The following RPE65 variants were observed in gnomAD, a reference collection of about 807,000 sequenced individuals.
RPE65 encodes retinoid isomerohydrolase RPE65, also known as retinoid isomerohydrolase.
RPE65 carries 58 observed loss-of-function variants against 68.5 expected under a neutral mutation model. The observed-to-expected ratio is 0.85, with a 90% CI of 0.69 to 1.05. The LOEUF is 1.05. RPE65 is among the 50% of genes least tolerant of loss of function. The probability of loss-of-function intolerance (pLI) is 0.00; values close to 1 mark genes in which losing one functional copy is unlikely to be tolerated. For missense variants in RPE65, 643 were observed against 629.9 expected, an observed-to-expected ratio of 1.02 and a Z score of -0.22; for synonymous variants, 220 against 222.2, an observed-to-expected ratio of 0.99 and a Z score of 0.09.
intron 9 of RPE65, 117 bp from the exon 10 acceptor site, chr1:68,438,433 TG>T: frequency 8.1e-7 from 1 of 1,227,794 alleles, no homozygotes. Context: ...ACCCAGAAAC[TG>T]CTATTGAGCC....
At chr1:68,442,547 A>G (rs2100824030) in intron 5 of RPE65, among the ~76,000 whole-genome samples, 1 of 152,316 alleles carries the variant, frequency 6.6e-6, no homozygotes, top group South Asian at 2.1e-4. Flanking sequence ...GCCTTAAATA[A>G]ATTGTATTTA....
intron 10 of RPE65, among the ~76,000 whole-genome samples, chr1:68,433,686 T>A (rs1645841624): frequency 6.6e-6 from 1 of 152,118 alleles, no homozygotes; most frequent in African/African-American, 2.4e-5. Flanking sequence ...AGATTTGTGG[T>A]CATGCATCTA....
intron 9 of RPE65, 113 bp downstream of exon 9, chr1:68,438,829 C>T (rs987755444): frequency 3.0e-6 from 4 of 1,343,764 alleles, no homozygotes; most frequent in Non-Finnish European, 4.3e-6. Flanking sequence ...TTGACTCTCA[C>T]ATAACTCTTG....
chr1:68,448,179 T>C (rs527553554), intron 2 of RPE65, among the ~76,000 whole-genome samples: 1 of 152,264 alleles, frequency 6.6e-6, no homozygotes, highest in South Asian at 2.1e-4. Flanking sequence ...TCACAGACAG[T>C]GAAATGATAG....
intron 2 of RPE65, 147 bp from the exon 3 acceptor site, chr1:68,447,007 G>C (rs535633234): frequency 9.5e-7 from 1 of 1,052,716 alleles, no homozygotes; most frequent in East Asian, 2.5e-5. Context: ...CCCTCGCGCT[G>C]GACAGCACTT....
In RPE65 at chr1:68,431,113, A is replaced by G; in HGVS notation, c.1402T>C (p.Ser468Pro). ...WVWQEPDSYP[S>P]EPIFVSHPDA... ...GGGTGAGAAACAAAGATGGGTTCTG[A>G]TGGGTATGAATCAGGCTCTTGCCAA... Residue 468 changes from serine to proline, a missense_variant, in exon 13 of 14, where the codon TCA (serine) becomes CCA (proline). Transcript: ENST00000262340. 1 of 1,613,830 alleles carries G rather than the reference A, an allele frequency of 6.2e-7. No individual in the cohort carries two copies. Among genetic ancestry groups the G allele is most frequent in the Non-Finnish European group, 8.5e-7 (1 of 1,179,812 alleles).
Position 68,444,819 on chromosome 1 carries a change from C to T in RPE65, c.310G>A (p.Gly104Ser), listed in dbSNP as rs767478543. The T allele has an allele frequency of 6.2e-7, 1 of 1,614,062 alleles. No individual in the cohort carries two copies. Among genetic ancestry groups the T allele is most frequent in the Admixed American group, 1.7e-5 (1 of 59,962 alleles). Residue 104 changes from glycine to serine, a missense_variant, in exon 4 of 14, where the codon GGC becomes AGC. Gly to Ser is a moderately conservative substitution (Grantham distance 56). Transcript: ENST00000262340. ...CAGGGATCTGGGAAAGCACAGGTGCCAAATTCTGTTATGACGATCCTTTTC... is the reference window on the plus strand; with the variant it reads ...CAGGGATCTGGGAAAGCACAGGTGCTAAATTCTGTTATGACGATCCTTTTC... ...TEKRIVITEF[G>S]TCAFPDPCKN...
Position 68,440,946 on chromosome 1 carries a change from C to A in RPE65, c.550G>T (p.Glu184Ter). 1 of 1,613,970 alleles carries A rather than the reference C, an allele frequency of 6.2e-7. No homozygotes were observed. Among genetic ancestry groups the A allele is most frequent in the South Asian group, 1.1e-5 (1 of 91,074 alleles). ...VNGATAHPHI[E>*]NDGTVYNIGN... ...ATATTGTAAACGGTTCCATCATTTT[C>A]AATGTGGGGGTGAGCAGTGGCCCCA... The change falls in exon 6 of 14, where the codon GAA becomes TAA. Residue 184 changes from glutamate to a stop codon, truncating the protein, a stop_gained. Transcript: ENST00000262340. LOFTEE classifies it high-confidence loss of function.
At chr1:68,447,366 T>A (rs1293010061) in intron 2 of RPE65, among the ~76,000 whole-genome samples, 1 of 152,186 alleles carries the variant, frequency 6.6e-6, no homozygotes, top group Admixed American at 6.5e-5. Flanking sequence ...GCTATATCCC[T>A]CTGTGAGTGT....
chr1:68,430,041 T>C lies in RPE65; in HGVS notation c.1451-114A>G, dbSNP rs1331747016. On this transcript the variant is annotated intron_variant, in intron 13 of 13. Coordinates refer to ENST00000262340, the MANE Select transcript of RPE65 (RefSeq NM_000329.3). Reference sequence around the variant, plus strand: ...ACATTGACAAATATAGAAAACCATATGACCTGACTTCTTTTTCTGACTCTT... The same window carrying C: ...ACATTGACAAATATAGAAAACCATACGACCTGACTTCTTTTTCTGACTCTT... 10 of 1,363,114 alleles carry C rather than the reference T, an allele frequency of 7.3e-6. No individual in the cohort carries two copies. The Admixed American group carries it at 1.8e-4, about 25-fold the overall frequency. 84.4% of individuals were successfully genotyped at this position (1,363,114 alleles called of 1,614,324 possible).
chr1:68,440,012 T>G (rs1418848275), intron 6 of RPE65, among the ~76,000 whole-genome samples: 4 of 152,184 alleles, frequency 2.6e-5, no homozygotes, highest in Non-Finnish European at 5.9e-5. Context: ...ATAGTTTAGA[T>G]GGGTTTGTGT....
rs1645966412 is a variant in RPE65, at chr1:68,449,353, A to G, written c.11+542T>C. On this transcript the variant is annotated intron_variant, in intron 1 of 13. Transcript: ENST00000262340. Reference sequence around the variant, plus strand: ...TCAGACCAGGAGATTCAGGTTCTATATTTTTGTTTACTTTCTACATCCTCT... The same window carrying G: ...TCAGACCAGGAGATTCAGGTTCTATGTTTTTGTTTACTTTCTACATCCTCT... Among the ~76,000 whole-genome samples, 5 of 152,196 alleles carry G rather than the reference A, an allele frequency of 3.3e-5. No homozygotes were observed. In the South Asian group the frequency reaches 1.0e-3, roughly 32 times the overall value.
intron 10 of RPE65, among the ~76,000 whole-genome samples, chr1:68,434,719 CTGTTTGTTTGTT>C (rs56001963): frequency 1.3e-5 from 2 of 151,302 alleles, no homozygotes; most frequent in Non-Finnish European, 1.5e-5. Context: ...ATTAGATTTC[CTGTTTGTTTGTT>C]TGTTTGTTTG....
chr1:68,434,545 C>T (rs1645847561), intron 10 of RPE65, among the ~76,000 whole-genome samples: 1 of 151,966 alleles, frequency 6.6e-6, no homozygotes, highest in African/African-American at 2.4e-5. Context: ...ACTCGAGGTA[C>T]TTAGTGGTGA....
intron 1 of RPE65, among the ~76,000 whole-genome samples, 196 bp from the exon 2 acceptor site, chr1:68,448,902 G>A (rs1230905357): frequency 6.6e-6 from 1 of 150,664 alleles, no homozygotes; most frequent in Admixed American, 6.6e-5. Context: ...CGTGAGGCTG[G>A]GGGTGGGGAA....
Position 68,439,131 on chromosome 1 carries a change from T to C in RPE65, c.859-50A>G, listed in dbSNP as rs777430374. 5.6e-6 allele frequency: 9 copies of C among 1,613,838 alleles called. No homozygotes were observed. The East Asian group carries it at 2.0e-4, about 36-fold the overall frequency. On this transcript the variant is annotated intron_variant, in intron 8 of 13. Transcript: ENST00000262340. The stretch of plus-strand genomic sequence containing the variant: ...GATGCATTTAAAAAGGAAAAAAGTG[T>C]ACATTATTAAACACATCTTCTTCAG...
chr1:68,438,403 T>G, intron 9 of RPE65, 87 bp from the exon 10 acceptor site: 1 of 1,478,494 alleles, frequency 6.8e-7, no homozygotes, highest in Non-Finnish European at 9.2e-7. Context: ...CACAAGTGCC[T>G]GCCTGTTCTT....
intron 9 of RPE65, 72 bp from the exon 10 acceptor site, chr1:68,438,388 T>C (rs955883246): frequency 6.4e-7 from 1 of 1,561,724 alleles, no homozygotes; most frequent in Admixed American, 1.7e-5. Context: ...TCTTGCCTTT[T>C]TAAGCACAAG....
intron 10 of RPE65, among the ~76,000 whole-genome samples, chr1:68,434,049 AG>A (rs376190665): frequency 4.7e-5 from 7 of 150,534 alleles, no homozygotes; most frequent in Admixed American, 1.3e-4. Context: ...AGATTATGGA[AG>A]GAGTATAGTC....
Sources: gnomAD v4.1 joint callset for allele counts (sites outside exome capture counted in the v4.1 genomes callset) on GRCh38, gnomAD v4.1.1 for gene constraint, MANE v1.5 for transcripts, NCBI Gene and HGNC (gene_info 2026-07-23, HGNC 2026-07-21) for gene names.